COBL: variants seen among roughly 807,000 people sequenced by gnomAD.
COBL encodes the protein cordon-bleu WH2 repeat protein.
A neutral mutation model predicts 98.8 loss-of-function variants in COBL; 51 were observed. The observed-to-expected ratio is 0.52, with a 90% CI of 0.41 to 0.65. The LOEUF is 0.65. Among genes scored for constraint, COBL ranks in the 30% least tolerant of loss-of-function variants. The pLI, the probability that COBL is intolerant of heterozygous loss-of-function variation, is 0.00. For synonymous variants in COBL, 634 were observed against 651.7 expected (o/e 0.97, Z 0.41); for missense variants, 1,617 against 1,617.5 (o/e 1.00, Z 0.01).
intron 1 of COBL, among the ~76,000 whole-genome samples, chr7:51,268,932 T>TA (rs34068228): frequency 0.37 from 38,660 of 103,584 alleles, 7,195 homozygotes; most frequent in Non-Finnish European, 0.5. Flanking sequence ...CCCGTCTCAA[T>TA]AAAAAAAAAA....
chr7:51,088,402 T>C (rs925714521), intron 6 of COBL, among the ~76,000 whole-genome samples: 1 of 46,014 alleles, frequency 2.2e-5, no homozygotes, highest in African/African-American at 1.4e-4. Context: ...TAGTTACTGT[T>C]TTTTTTTTGT....
At chr7:51,079,854 T>C (rs1405516614) in intron 7 of COBL, among the ~76,000 whole-genome samples, 1 of 152,244 alleles carries the variant, frequency 6.6e-6, no homozygotes, top group Non-Finnish European at 1.5e-5. Context: ...ACAAACCATG[T>C]ATTTGTTCAA....
rs939634387 is a variant in COBL at position 51,081,006 on chromosome 7, A to G, written c.1096+4160T>C. The stretch of plus-strand genomic sequence containing the variant: ...AATCCTAGTTTGTAAAGCCATAAAC[A>G]ATGGGCAGGCTGGTTCTGCTAATTA... On this transcript the variant is annotated intron_variant, in intron 7 of 12. Coordinates refer to ENST00000265136, the MANE Select transcript of COBL (RefSeq NM_015198.5). Among the ~76,000 whole-genome samples the G allele has an allele frequency of 5.9e-5, 9 of 152,230 alleles. 1 individual carries two copies. The highest frequency in any genetic ancestry group is 1.5e-5 in the Non-Finnish European group (1 of 68,040).
At position 51,257,422 on chromosome 7, in the gene COBL, T is replaced by C. The variant is rs78718103; in HGVS notation, c.42-37478A>G. On this transcript the variant is annotated intron_variant, in intron 1 of 12. Coordinates refer to ENST00000265136, the MANE Select transcript of COBL (RefSeq NM_015198.5). Reference sequence around the variant, plus strand: ...TAAACGATAGCATATCTAAAGAAAGTAGAGGAATAGAACACAGTGGACACA... The same window carrying C: ...TAAACGATAGCATATCTAAAGAAAGCAGAGGAATAGAACACAGTGGACACA... Among the ~76,000 whole-genome samples, 1,190 of 152,162 alleles carry C rather than the reference T, an allele frequency of 7.8e-3. 58 individuals are homozygous for C. In the South Asian group the frequency reaches 0.13, roughly 17 times the overall value.
intron 5 of COBL, 96 bp from the exon 6 acceptor site, chr7:51,136,427 C>T (rs1222085354): frequency 7.6e-7 from 1 of 1,315,298 alleles, no homozygotes; most frequent in East Asian, 2.5e-5. Context: ...ATCCGTCCAC[C>T]TGAGCTTGAA....
chr7:51,077,723 C>A (rs556791862), intron 7 of COBL, among the ~76,000 whole-genome samples: 2 of 152,184 alleles, frequency 1.3e-5, no homozygotes, highest in Non-Finnish European at 1.5e-5. Flanking sequence ...AGTTCCTGAA[C>A]GCTGAATAGG....
intron 7 of COBL, chr7:51,071,395 T>G (rs1439078445): frequency 6.6e-6 from 1 of 152,206 alleles, no homozygotes; most frequent in African/African-American, 2.4e-5. Flanking sequence ...GGCCCTTCAT[T>G]CTATCCAACA....
chr7:51,044,804 C>T (rs917943010), intron 7 of COBL, among the ~76,000 whole-genome samples: 21 of 152,228 alleles, frequency 1.4e-4, no homozygotes, highest in African/African-American at 5.1e-4. Context: ...ACATCACCAA[C>T]ATTTTAACTG....
chr7:51,232,195 C>T (rs556974519), intron 1 of COBL, among the ~76,000 whole-genome samples: 21 of 152,270 alleles, frequency 1.4e-4, no homozygotes, highest in African/African-American at 5.1e-4. Flanking sequence ...CAAACCACTA[C>T]ACATGGTCAC....
intron 1 of COBL, among the ~76,000 whole-genome samples, chr7:51,236,033 C>A (rs148445741): frequency 6.6e-6 from 1 of 152,280 alleles, no homozygotes; most frequent in East Asian, 1.9e-4. Flanking sequence ...AAAACCCTTC[C>A]CCTTTTACGT....
At chr7:51,200,679 A>G (rs1165435341) in intron 2 of COBL, among the ~76,000 whole-genome samples, 1 of 152,220 alleles carries the variant, frequency 6.6e-6, no homozygotes, top group Non-Finnish European at 1.5e-5. Flanking sequence ...CACTGCTACG[A>G]TAATCAAACC....
At chr7:51,207,971 A>G (rs1216026508) in intron 2 of COBL, among the ~76,000 whole-genome samples, 6 of 129,196 alleles carry the variant, frequency 4.6e-5, no homozygotes, top group Non-Finnish European at 3.3e-5. Flanking sequence ...CCGCCATCCC[A>G]TCTAGGAAGT....
intron 1 of COBL, among the ~76,000 whole-genome samples, chr7:51,220,946 C>CATATTTTG (rs1388385930): frequency 6.6e-6 from 1 of 152,110 alleles, no homozygotes; most frequent in Non-Finnish European, 1.5e-5. Flanking sequence ...TATGTATGTA[C>CATATTTTG]ATATTTTGAT....
intron 5 of COBL, chr7:51,172,456 G>T (rs775244249): frequency 7.0e-6 from 9 of 1,288,108 alleles, no homozygotes; most frequent in Non-Finnish European, 9.1e-6. Context: ...TAGTACTCAC[G>T]TTCAAACCCC....
intron 1 of COBL, among the ~76,000 whole-genome samples, chr7:51,275,198 G>A (rs2129169299): frequency 6.6e-6 from 1 of 152,256 alleles, no homozygotes; most frequent in East Asian, 1.9e-4. Context: ...GAGGGGAGAG[G>A]CCCAAGGGCT....
intron 1 of COBL, among the ~76,000 whole-genome samples, chr7:51,309,836 G>A (rs866345677): frequency 6.6e-6 from 1 of 152,198 alleles, no homozygotes; most frequent in Admixed American, 6.5e-5. Flanking sequence ...TGGGTCAGAG[G>A]GGCAAGTAAA....
intron 6 of COBL, among the ~76,000 whole-genome samples, chr7:51,130,573 G>A (rs935492450): frequency 2.6e-5 from 4 of 152,130 alleles, no homozygotes; most frequent in African/African-American, 9.7e-5. Flanking sequence ...AATGCAGAGA[G>A]GACACTTGAG....
At chr7:51,271,659 G>A (rs1798773408) in intron 1 of COBL, among the ~76,000 whole-genome samples, 1 of 152,130 alleles carries the variant, frequency 6.6e-6, no homozygotes, top group Admixed American at 6.5e-5. Context: ...ACTGAGGAGG[G>A]AAAAAACTCA....
chr7:51,090,199 A>G (rs1794676572), intron 6 of COBL, among the ~76,000 whole-genome samples: 1 of 152,180 alleles, frequency 6.6e-6, no homozygotes, highest in Non-Finnish European at 1.5e-5. Flanking sequence ...TGTTGACTAG[A>G]TAGCAGAAAA....
Sources: allele counts gnomAD v4.1 joint callset (sites outside exome capture counted in the v4.1 genomes callset), GRCh38; gene constraint gnomAD v4.1.1; transcripts MANE v1.5; gene names NCBI Gene and HGNC (gene_info 2026-07-23, HGNC 2026-07-21).